Variants in BFSP2 observed in about 807,000 individuals in gnomAD.
BFSP2 encodes the protein phakinin.
BFSP2 carries 38 observed loss-of-function variants against 44.9 expected under a neutral mutation model. The observed-to-expected ratio is 0.85, with a 90% CI of 0.65 to 1.11. The LOEUF is 1.11. Among genes scored for constraint, BFSP2 ranks in the 50% least tolerant of loss-of-function variants. The pLI, the probability that BFSP2 is intolerant of heterozygous loss-of-function variation, is 0.00. For missense variants in BFSP2, 525 were observed against 533.0 expected (o/e 0.99, Z 0.15); for synonymous variants, 197 against 209.9 (o/e 0.94, Z 0.53).
At chr3:133,420,780 T>C (rs1203541190) in intron 1 of BFSP2, among the ~76,000 whole-genome samples, 2 of 152,144 alleles carry the variant, frequency 1.3e-5, no homozygotes, top group Non-Finnish European at 2.9e-5. Flanking sequence ...GTGCTGTGAC[T>C]TTAGGAGCAG....
chr3:133,404,700 T>C (rs1280777441), intron 1 of BFSP2, among the ~76,000 whole-genome samples: 1 of 152,168 alleles, frequency 6.6e-6, no homozygotes, highest in Non-Finnish European at 1.5e-5. Context: ...AGCATTATAT[T>C]TGAGTAACTT....
intron 1 of BFSP2, among the ~76,000 whole-genome samples, chr3:133,414,419 A>C (rs1315539534): frequency 4.0e-5 from 1 of 24,844 alleles, no homozygotes; most frequent in African/African-American, 1.9e-4. Context: ...TCTCCCCTCT[A>C]CTTACCCCTA....
At position 133,426,040 on chromosome 3, in the gene BFSP2, A is replaced by G. The variant is rs1356510969; in HGVS notation, c.490-21277A>G. 1.0e-4 allele frequency among the ~76,000 whole-genome samples: 15 copies of G among 143,972 alleles called. 1 individual carries two copies. In the Admixed American group the frequency reaches 1.1e-3, roughly 10 times the overall value. The allele number at this position is 143,972 out of a possible 152,430, so 94.5% of individuals were successfully genotyped here. On this transcript the variant is annotated intron_variant, in intron 1 of 6. Transcript: ENST00000302334. Reference sequence around the variant, plus strand: ...AAGGGAAGGGAAGGGAAGGGAAGGGAAAAAGCTCTTCCTTGTCAGATATTG... The same window carrying G: ...AAGGGAAGGGAAGGGAAGGGAAGGGGAAAAGCTCTTCCTTGTCAGATATTG...
At chr3:133,437,622 A>G (rs1251315905) in intron 1 of BFSP2, among the ~76,000 whole-genome samples, 1 of 147,534 alleles carries the variant, frequency 6.8e-6, no homozygotes, top group Non-Finnish European at 1.5e-5. Context: ...AAGAAAGAAG[A>G]AAGAGAAAAA....
At chr3:133,424,215 T>TGTGTGTGTGTGTGTGTGTGTGTGTG (rs879693047) in intron 1 of BFSP2, among the ~76,000 whole-genome samples, 1 of 80,114 alleles carries the variant, frequency 1.2e-5, no homozygotes, top group Non-Finnish European at 2.2e-5. Flanking sequence ...CCAGCTAATT[T>TGTGTGTGTGTGTGTGTGTGTGTGTG]TTTTTTTTTT....
chr3:133,431,698 C>CG lies in BFSP2; in HGVS notation c.490-15618dup, dbSNP rs200608607. ...TAAGTCCATCCCCTTCTTATCAATACGAGGCTACCCACTCCACATTACCTT... is the reference window on the plus strand; with the variant it reads ...TAAGTCCATCCCCTTCTTATCAATACGGAGGCTACCCACTCCACATTACCTT... On this transcript the variant is annotated intron_variant, in intron 1 of 6. Coordinates refer to ENST00000302334, the MANE Select transcript of BFSP2 (RefSeq NM_003571.4). 1.7e-3 allele frequency among the ~76,000 whole-genome samples: 253 copies of CG among 152,194 alleles called. 1 individual carries two copies. The highest frequency in any genetic ancestry group is 4.9e-3 in the African/African-American group (203 of 41,498).
At chr3:133,453,821 T>G (rs764045886) in intron 4 of BFSP2, among the ~76,000 whole-genome samples, 1 of 152,220 alleles carries the variant, frequency 6.6e-6, no homozygotes, top group African/African-American at 2.4e-5. Flanking sequence ...CCAATTCTGT[T>G]TATTTTTTCA....
intron 1 of BFSP2, among the ~76,000 whole-genome samples, chr3:133,425,622 C>T (rs2073637140): frequency 1.3e-5 from 2 of 151,980 alleles, no homozygotes; most frequent in Admixed American, 6.5e-5. Context: ...TATCAACCCT[C>T]ACTTTCTCCC....
intron 5 of BFSP2, among the ~76,000 whole-genome samples, chr3:133,468,578 C>A (rs2074133343): frequency 6.6e-6 from 1 of 152,208 alleles, no homozygotes; most frequent in African/African-American, 2.4e-5. Context: ...CTCCGTGTAG[C>A]TAGCTTAGAC....
chr3:133,404,155 GC>G (rs2073384895), intron 1 of BFSP2, among the ~76,000 whole-genome samples: 1 of 152,148 alleles, frequency 6.6e-6, no homozygotes, highest in East Asian at 1.9e-4. Flanking sequence ...AGATCCTCTT[GC>G]CTTGGCCTCC....
intron 1 of BFSP2, among the ~76,000 whole-genome samples, chr3:133,424,541 G>A (rs1412379356): frequency 6.6e-6 from 1 of 152,092 alleles, no homozygotes. Flanking sequence ...CCCACCTCCA[G>A]CTGCTTTATC....
At chr3:133,410,981 T>G (rs1316113508) in intron 1 of BFSP2, 1 of 152,376 alleles carries the variant, frequency 6.6e-6, no homozygotes, top group Non-Finnish European at 1.5e-5. Flanking sequence ...AAGAAAGACT[T>G]GTGAGCCACT....
chr3:133,426,370 T>C (rs1335949911), intron 1 of BFSP2, among the ~76,000 whole-genome samples: 1 of 152,214 alleles, frequency 6.6e-6, no homozygotes, highest in Non-Finnish European at 1.5e-5. Context: ...GTGCAGTGAC[T>C]TTGCAGTCAT....
At chr3:133,429,041 AC>A (rs2073682137) in intron 1 of BFSP2, among the ~76,000 whole-genome samples, 1 of 152,120 alleles carries the variant, frequency 6.6e-6, no homozygotes. Flanking sequence ...TTTTTTTAAA[AC>A]CTGAAATCAA....
chr3:133,432,950 T>G (rs2073740255), intron 1 of BFSP2, among the ~76,000 whole-genome samples: 1 of 152,248 alleles, frequency 6.6e-6, no homozygotes, highest in African/African-American at 2.4e-5. Flanking sequence ...GCCGCTGCTT[T>G]AATACTTTTA....
At chr3:133,430,865 G>C (rs2073708614) in intron 1 of BFSP2, among the ~76,000 whole-genome samples, 1 of 151,794 alleles carries the variant, frequency 6.6e-6, no homozygotes, top group Admixed American at 6.6e-5. Context: ...CTCCACCCTG[G>C]TCCGCTCCTT....
intron 1 of BFSP2, among the ~76,000 whole-genome samples, chr3:133,432,701 C>T (rs183669373): frequency 2.0e-5 from 3 of 152,312 alleles, no homozygotes; most frequent in African/African-American, 4.8e-5. Context: ...TCTTCTCCAT[C>T]GGTTACCTAC....
At chr3:133,422,096 A>G (rs2073598028) in intron 1 of BFSP2, among the ~76,000 whole-genome samples, 1 of 98,618 alleles carries the variant, frequency 1.0e-5, no homozygotes, top group Non-Finnish European at 1.9e-5. Flanking sequence ...ACAAAGCGAG[A>G]CTCCATCTCA....
At position 133,474,952 on chromosome 3, in the gene BFSP2, T is replaced by A; in HGVS notation, c.1245-17T>A. Reference sequence around the variant, plus strand: ...TTCCTCACCCATTGCTTCTGACTCCTATGTGTTTCCTTTCAGCTGATGGAG... The same window carrying A: ...TTCCTCACCCATTGCTTCTGACTCCAATGTGTTTCCTTTCAGCTGATGGAG... On this transcript the variant is annotated splice_polypyrimidine_tract_variant and intron_variant, in intron 6 of 6. Coordinates refer to ENST00000302334, the MANE Select transcript of BFSP2 (RefSeq NM_003571.4). 1.9e-6 allele frequency: 3 copies of A among 1,614,198 alleles called. No homozygotes were observed. Among genetic ancestry groups the A allele is most frequent in the Non-Finnish European group, 2.5e-6 (3 of 1,179,988 alleles).
Sources: allele counts gnomAD v4.1 joint callset (sites outside exome capture counted in the v4.1 genomes callset), GRCh38; gene constraint gnomAD v4.1.1; transcripts MANE v1.5; gene names NCBI Gene and HGNC (gene_info 2026-07-23, HGNC 2026-07-21).